The following AFG1L variants were observed in gnomAD, a reference collection of about 807,000 sequenced individuals.
The protein encoded by AFG1L is AFG1 like ATPase.
In AFG1L, 53 loss-of-function variants were observed where a neutral mutation model predicts 62.2. The ratio of observed to expected loss-of-function variants is 0.85; its 90% CI spans 0.68 to 1.07. AFG1L has a LOEUF of 1.07. Among genes scored for constraint, AFG1L ranks in the 50% least tolerant of loss-of-function variants. The pLI, the probability that AFG1L is intolerant of heterozygous loss-of-function variation, is 0.00. For missense variants in AFG1L, 555 were observed against 590.5 expected, an observed-to-expected ratio of 0.94 and a Z score of 0.62; for synonymous variants, 228 against 210.3, an observed-to-expected ratio of 1.08 and a Z score of -0.73.
At chr6:108,372,988 A>G (rs1458888766) in intron 6 of AFG1L, 1 of 150,366 alleles carries the variant, frequency 6.7e-6, no homozygotes, top group African/African-American at 2.5e-5. Context: ...TGTGCCCAGA[A>G]CTCAGCCTAG....
intron 10 of AFG1L, among the ~76,000 whole-genome samples, chr6:108,494,350 G>A (rs12526579): frequency 0.62 from 94,162 of 151,548 alleles, 30,374 homozygotes; most frequent in African/African-American, 0.8. Context: ...AAAGCTGGTC[G>A]AGTAGAGTAG....
At chr6:108,445,750 G>A (rs546898190) in intron 7 of AFG1L, among the ~76,000 whole-genome samples, 14 of 151,770 alleles carry the variant, frequency 9.2e-5, no homozygotes, top group African/African-American at 3.4e-4. Context: ...TCTTCTATGG[G>A]TGCAGTTTGT....
chr6:108,435,415 A>C (rs1582583345), intron 7 of AFG1L, among the ~76,000 whole-genome samples: 1 of 152,316 alleles, frequency 6.6e-6, no homozygotes, highest in South Asian at 2.1e-4. Flanking sequence ...GGCTGGGCAC[A>C]GTGGCTCACG....
intron 10 of AFG1L, among the ~76,000 whole-genome samples, chr6:108,479,276 G>T (rs1773243613): frequency 6.6e-6 from 1 of 152,202 alleles, no homozygotes; most frequent in South Asian, 2.1e-4. Context: ...ACAGATGTGA[G>T]CTACCATGAC....
intron 8 of AFG1L, among the ~76,000 whole-genome samples, chr6:108,449,009 G>T (rs1481598431): frequency 6.6e-6 from 1 of 151,906 alleles, no homozygotes. Context: ...AATAGTGGGT[G>T]TGGTGGCACC....
chr6:108,324,068 A>G lies in AFG1L; in HGVS notation c.363+20A>G, dbSNP rs1414001068. ...TCAAAGGTGAGGCTTGTGTGATATG[A>G]AAGATTAAACAGTTAAAAGTGTAAG... On this transcript the variant is annotated intron_variant, in intron 2 of 12. Transcript: ENST00000368977. 1 of 1,548,748 alleles carries G rather than the reference A, an allele frequency of 6.5e-7. No homozygotes were observed. Among genetic ancestry groups the G allele is most frequent in the African/African-American group, 1.4e-5 (1 of 73,438 alleles).
intron 8 of AFG1L, among the ~76,000 whole-genome samples, chr6:108,471,716 C>T (rs575091769): frequency 1.3e-5 from 2 of 152,188 alleles, no homozygotes; most frequent in East Asian, 3.9e-4. Context: ...GCCTCGGCCT[C>T]CCAAATCCAT....
intron 8 of AFG1L, among the ~76,000 whole-genome samples, chr6:108,448,509 C>T (rs1771910292): frequency 6.6e-6 from 1 of 151,544 alleles, no homozygotes; most frequent in Admixed American, 6.6e-5. Flanking sequence ...AAAGTGTATC[C>T]TCATGTGGAA....
At chr6:108,513,705 A>T (rs1342231011) in intron 11 of AFG1L, among the ~76,000 whole-genome samples, 1 of 152,224 alleles carries the variant, frequency 6.6e-6, no homozygotes, top group Non-Finnish European at 1.5e-5. Flanking sequence ...TAGCCAAAAA[A>T]AAGGCAGCAG....
intron 6 of AFG1L, among the ~76,000 whole-genome samples, chr6:108,369,850 T>TA (rs1460537651): frequency 2.6e-5 from 4 of 152,130 alleles, no homozygotes; most frequent in Admixed American, 1.3e-4. Context: ...CCTCAGGTGA[T>TA]ACACCTGCCT....
intron 8 of AFG1L, among the ~76,000 whole-genome samples, chr6:108,455,974 C>T (rs1772238221): frequency 6.6e-6 from 1 of 152,078 alleles, no homozygotes; most frequent in African/African-American, 2.4e-5. Flanking sequence ...GTTCAAGTCT[C>T]CTATATTCTT....
chr6:108,361,778 C>T (rs1038423966), intron 5 of AFG1L, among the ~76,000 whole-genome samples: 15 of 152,192 alleles, frequency 9.9e-5, no homozygotes, highest in Non-Finnish European at 7.3e-5. Context: ...CTTAACAAGG[C>T]CCATCTTAAC....
At chr6:108,395,268 A>G (rs937057607) in intron 6 of AFG1L, among the ~76,000 whole-genome samples, 1 of 152,144 alleles carries the variant, frequency 6.6e-6, no homozygotes, top group Non-Finnish European at 1.5e-5. Flanking sequence ...AGTCTATCAT[A>G]GTTATCGAAT....
chr6:108,310,747 G>T (rs9486850), intron 1 of AFG1L, among the ~76,000 whole-genome samples: 14,573 of 151,728 alleles, frequency 0.096, 1,954 homozygotes, highest in African/African-American at 0.3. Context: ...GCTAATTTTT[G>T]TATTTTTATT....
intron 11 of AFG1L, among the ~76,000 whole-genome samples, chr6:108,510,927 A>G (rs1774620126): frequency 6.6e-6 from 1 of 151,938 alleles, no homozygotes; most frequent in Non-Finnish European, 1.5e-5. Context: ...AAATAAGAAA[A>G]TTAGCTGGGT....
intron 8 of AFG1L, among the ~76,000 whole-genome samples, chr6:108,461,822 C>A (rs1431015682): frequency 6.6e-6 from 1 of 151,960 alleles, no homozygotes; most frequent in Non-Finnish European, 1.5e-5. Flanking sequence ...TGGCAGTGCA[C>A]GGTGGCTCAC....
intron 2 of AFG1L, among the ~76,000 whole-genome samples, chr6:108,335,448 A>T (rs145634713): frequency 7.2e-5 from 11 of 152,274 alleles, no homozygotes; most frequent in African/African-American, 2.6e-4. Context: ...AGGTGTCTCC[A>T]TTGTGTGCCT....
At chr6:108,299,754 A>C (rs1776907703) in intron 1 of AFG1L, among the ~76,000 whole-genome samples, 1 of 152,178 alleles carries the variant, frequency 6.6e-6, no homozygotes, top group Non-Finnish European at 1.5e-5. Context: ...CCTGGGCAGC[A>C]TAATGAGACC....
At chr6:108,297,711 C>T (rs531055038) in intron 1 of AFG1L, among the ~76,000 whole-genome samples, 111 of 151,428 alleles carry the variant, frequency 7.3e-4, no homozygotes, top group African/African-American at 2.4e-3. Flanking sequence ...AAAACTTAGC[C>T]GGGTGTGGTG....
Sources: allele counts gnomAD v4.1 joint callset (sites outside exome capture counted in the v4.1 genomes callset), GRCh38; gene constraint gnomAD v4.1.1; transcripts MANE v1.5; gene names NCBI Gene and HGNC (gene_info 2026-07-23, HGNC 2026-07-21).